STRBP: variants seen among roughly 807,000 people sequenced by gnomAD.
The protein encoded by STRBP is spermatid perinuclear RNA-binding protein.
A neutral mutation model predicts 80.1 loss-of-function variants in STRBP; 13 were observed. The ratio of observed to expected loss-of-function variants is 0.16; its 90% CI spans 0.11 to 0.26. The LOEUF is 0.26. Among genes scored for constraint, STRBP ranks in the 10% least tolerant of loss-of-function variants. The pLI is 1.00. For synonymous variants in STRBP, 284 were observed against 291.2 expected (o/e 0.98, Z 0.25); for missense variants, 485 against 815.2 (o/e 0.59, Z 4.93).
At chr9:123,255,624 T>C (rs2041012283) in intron 1 of STRBP, among the ~76,000 whole-genome samples, 3 of 152,204 alleles carry the variant, frequency 2.0e-5, no homozygotes, top group African/African-American at 7.2e-5. Flanking sequence ...AAAAGAAAAA[T>C]TCAGGTACTG....
chr9:123,218,811 C>G (rs542133316), intron 2 of STRBP, among the ~76,000 whole-genome samples: 39 of 152,238 alleles, frequency 2.6e-4, no homozygotes, highest in Middle Eastern at 3.4e-3. Flanking sequence ...TGAATACTAA[C>G]ATACATAATC....
chr9:123,172,181 A>G lies in STRBP; in HGVS notation c.390+1496T>C, dbSNP rs1300384003. Among the ~76,000 whole-genome samples, 4 of 152,240 alleles carry G rather than the reference A, an allele frequency of 2.6e-5. No individual in the cohort carries two copies. The East Asian group carries it at 7.7e-4, about 29-fold the overall frequency. On this transcript the variant is annotated intron_variant, in intron 5 of 18. Transcript: ENST00000348403. ...GAGGATGAGGAATATGATCATTCTC[A>G]TAAGAAACAAGATTCATGAAAGGAA...
intron 14 of STRBP, among the ~76,000 whole-genome samples, chr9:123,138,411 G>T (rs2036451471): frequency 1.3e-5 from 2 of 152,158 alleles, no homozygotes; most frequent in Admixed American, 1.3e-4. Flanking sequence ...GGCTTTCTCA[G>T]GCTTCAGCCC....
At chr9:123,155,421 C>A (rs2037239893) in intron 11 of STRBP, among the ~76,000 whole-genome samples, 1 of 151,996 alleles carries the variant, frequency 6.6e-6, no homozygotes, top group Admixed American at 6.6e-5. Flanking sequence ...AGTACAGACA[C>A]AGAGAAGGTA....
At chr9:123,207,388 A>C (rs964181291) in intron 2 of STRBP, among the ~76,000 whole-genome samples, 1 of 152,238 alleles carries the variant, frequency 6.6e-6, no homozygotes, top group African/African-American at 2.4e-5. Context: ...TTGGAGGAAA[A>C]AGCTAGTTGC....
intron 6 of STRBP, among the ~76,000 whole-genome samples, chr9:123,163,592 A>G (rs1322144699): frequency 6.6e-6 from 1 of 152,214 alleles, no homozygotes; most frequent in Non-Finnish European, 1.5e-5. Context: ...AGATATAATA[A>G]TTCATCTCAT....
chr9:123,120,852 A>C (rs1438046362), downstream of STRBP, among the ~76,000 whole-genome samples: 1 of 152,220 alleles, frequency 6.6e-6, no homozygotes, highest in African/African-American at 2.4e-5. Flanking sequence ...GTGAATTTCC[A>C]AGTGACGCCT....
chr9:123,183,933 G>A (rs2038595468), intron 3 of STRBP, among the ~76,000 whole-genome samples, 199 bp downstream of exon 3: 2 of 152,112 alleles, frequency 1.3e-5, no homozygotes. Context: ...AGGCTCATGA[G>A]GCCCTACCTT....
chr9:123,200,775 G>C (rs976753030), intron 2 of STRBP, among the ~76,000 whole-genome samples: 1 of 54,280 alleles, frequency 1.8e-5, no homozygotes, highest in East Asian at 5.4e-4. Flanking sequence ...TAGAGACCAG[G>C]TTTCACCATG....
chr9:123,217,890 A>G (rs948244533), intron 2 of STRBP, among the ~76,000 whole-genome samples: 2 of 152,232 alleles, frequency 1.3e-5, no homozygotes, highest in African/African-American at 2.4e-5. Flanking sequence ...ATGCATTTCT[A>G]GCTTGTCAGT....
At chr9:123,131,557 C>G (rs573348007) in intron 17 of STRBP, among the ~76,000 whole-genome samples, 1 of 152,358 alleles carries the variant, frequency 6.6e-6, no homozygotes, top group Non-Finnish European at 1.5e-5. Context: ...ATTCATTCTT[C>G]AAAGCCCAAT....
In STRBP at chr9:123,228,012, G is replaced by C. The variant is rs573248710; in HGVS notation, c.-165+8818C>G. Among the ~76,000 whole-genome samples, 11 of 152,302 alleles carry C rather than the reference G, an allele frequency of 7.2e-5. No individual in the cohort carries two copies. In the South Asian group the frequency reaches 2.3e-3, roughly 32 times the overall value. ...GAGGGTAATGGCAACGGCAGAGATG[G>C]TAAGAAGTGTTACGACACTGCAGAT... is the stretch of plus-strand genomic sequence containing the variant. On this transcript the variant is annotated intron_variant, in intron 2 of 18. Transcript: ENST00000348403.
In STRBP at chr9:123,267,343, C is replaced by T. The variant is rs2041291501; in HGVS notation, c.-302+1093G>A. Among the ~76,000 whole-genome samples the T allele has an allele frequency of 6.6e-5, 10 of 152,096 alleles. No individual in the cohort carries two copies. The South Asian group carries it at 2.1e-3, about 32-fold the overall frequency. ...TATCCTTTAAATGCCCCACACACCTCCTGCTCTCCATCCCCATCACCCTTC... is the reference window on the plus strand; with the variant it reads ...TATCCTTTAAATGCCCCACACACCTTCTGCTCTCCATCCCCATCACCCTTC... On this transcript the variant is annotated intron_variant, in intron 1 of 18. Coordinates refer to ENST00000348403, the MANE Select transcript of STRBP (RefSeq NM_018387.5).
chr9:123,258,931 C>T (rs1198680036), intron 1 of STRBP, among the ~76,000 whole-genome samples: 1 of 151,756 alleles, frequency 6.6e-6, no homozygotes, highest in Admixed American at 6.6e-5. Context: ...CTTGATAGGA[C>T]TTTGTGTTTT....
chr9:123,228,312 T>C (rs1046005227), intron 2 of STRBP, among the ~76,000 whole-genome samples: 1 of 152,212 alleles, frequency 6.6e-6, no homozygotes, highest in African/African-American at 2.4e-5. Context: ...GTTAGAGATA[T>C]CAACTTGGGA....
intron 1 of STRBP, among the ~76,000 whole-genome samples, chr9:123,250,851 C>G (rs1296969754): frequency 6.6e-6 from 1 of 152,180 alleles, no homozygotes. Flanking sequence ...GCTACAGTGG[C>G]TCACACCTAT....
chr9:123,217,232 T>C (rs2039927722), intron 2 of STRBP, among the ~76,000 whole-genome samples: 1 of 152,132 alleles, frequency 6.6e-6, no homozygotes. Context: ...TGTTAGAAGT[T>C]GGGCTTTTTC....
At chr9:123,239,399 C>T (rs922194969) in intron 1 of STRBP, among the ~76,000 whole-genome samples, 1 of 152,040 alleles carries the variant, frequency 6.6e-6, no homozygotes, top group African/African-American at 2.4e-5. Flanking sequence ...AAATGGAATG[C>T]CTATCGGGCT....
chr9:123,129,697 C>G (rs992366786), intron 17 of STRBP, among the ~76,000 whole-genome samples: 1 of 152,222 alleles, frequency 6.6e-6, no homozygotes. Context: ...CTACCCCAGG[C>G]AGTCACTGGG....
Sources: allele counts gnomAD v4.1 joint callset (sites outside exome capture counted in the v4.1 genomes callset), GRCh38; gene constraint gnomAD v4.1.1; transcripts MANE v1.5; gene names NCBI Gene and HGNC (gene_info 2026-07-23, HGNC 2026-07-21).